RAB27B: variants seen among roughly 807,000 people sequenced by gnomAD.
RAB27B encodes the protein RAB27B, member RAS oncogene family.
RAB27B carries 15 observed loss-of-function variants against 24.6 expected under a neutral mutation model. The observed-to-expected ratio is 0.61, with a 90% CI of 0.41 to 0.94. RAB27B has a LOEUF of 0.94. Ranked by LOEUF, RAB27B falls within the 40% of genes least tolerant of loss-of-function variation. The pLI, the probability that RAB27B is intolerant of heterozygous loss-of-function variation, is 0.00. For synonymous variants in RAB27B, 105 were observed against 92.5 expected (o/e 1.14, Z -0.78); for missense variants, 261 against 266.8 (o/e 0.98, Z 0.15).
chr18:54,724,745 T>C (rs138676710), intron 2 of RAB27B, among the ~76,000 whole-genome samples: 1 of 151,582 alleles, frequency 6.6e-6, no homozygotes, highest in East Asian at 1.9e-4. Context: ...TATTACTCAG[T>C]GATTCTGTTT....
chr18:54,779,164 A>G (rs1908811460), intron 2 of RAB27B, among the ~76,000 whole-genome samples: 2 of 152,148 alleles, frequency 1.3e-5, no homozygotes, highest in Non-Finnish European at 2.9e-5. Flanking sequence ...CACTTCAAGA[A>G]TTAGTTGGCT....
At chr18:54,732,778 C>T (rs1909766680) in intron 2 of RAB27B, among the ~76,000 whole-genome samples, 1 of 151,988 alleles carries the variant, frequency 6.6e-6, no homozygotes, top group Non-Finnish European at 1.5e-5. Context: ...TTTTCTGTTC[C>T]ACCAGACAAA....
chr18:54,759,097 A>G (rs1011274338), intron 2 of RAB27B, among the ~76,000 whole-genome samples: 1 of 152,196 alleles, frequency 6.6e-6, no homozygotes, highest in South Asian at 2.1e-4. Flanking sequence ...GTCAATAAGC[A>G]CATGTTGAAT....
intron 2 of RAB27B, among the ~76,000 whole-genome samples, chr18:54,758,566 CT>C: frequency 6.7e-6 from 1 of 149,746 alleles, no homozygotes; most frequent in Non-Finnish European, 1.5e-5. Flanking sequence ...TCAGAGATGG[CT>C]TTTAAAGGTT....
intron 1 of RAB27B, among the ~76,000 whole-genome samples, chr18:54,866,427 C>T (rs1912230537): frequency 6.6e-6 from 1 of 152,258 alleles, no homozygotes; most frequent in Admixed American, 6.5e-5. Context: ...TCCCTAGTAG[C>T]TGGGATTACA....
At position 54,814,366 on chromosome 18, in the gene RAB27B, T is replaced by G. The variant is rs202150341; in HGVS notation, c.-19-63201T>G. On this transcript the variant is annotated intron_variant, in intron 2 of 4. Coordinates refer to the RAB27B transcript ENST00000586570. ...CATAAATTAGTATTTGTTTGAACAT[T>G]AATGTGGAAATATTTTTGATTTAGC... is the stretch of plus-strand genomic sequence containing the variant. Among the ~76,000 whole-genome samples, 11 of 152,344 alleles carry G rather than the reference T, an allele frequency of 7.2e-5. No homozygotes were observed. The East Asian group carries it at 2.1e-3, about 29-fold the overall frequency.
chr18:54,821,786 G>T (rs1379176136), intron 2 of RAB27B, among the ~76,000 whole-genome samples: 1 of 152,128 alleles, frequency 6.6e-6, no homozygotes, highest in South Asian at 2.1e-4. Flanking sequence ...GGCGTTTCAC[G>T]CTTGTCGCCC....
intron 3 of RAB27B, 74 bp from the exon 4 acceptor site, chr18:54,884,259 G>A (rs1913041517): frequency 2.2e-6 from 2 of 906,228 alleles, no homozygotes; most frequent in South Asian, 1.5e-5. Flanking sequence ...ACCTGAAAGG[G>A]AAACTGTTAT....
chr18:54,851,871 A>G (rs113287364), intron 1 of RAB27B, among the ~76,000 whole-genome samples: 2 of 152,172 alleles, frequency 1.3e-5, no homozygotes, highest in African/African-American at 4.8e-5. Context: ...GTACCATTCA[A>G]TGAGTTCAAT....
chr18:54,788,671 T>C lies in RAB27B; in HGVS notation c.-20+70530T>C, dbSNP rs529711171. Among the ~76,000 whole-genome samples the C allele has an allele frequency of 1.1e-3, 163 of 152,310 alleles. 3 individuals are homozygous for C. Among genetic ancestry groups the C allele is most frequent in the Non-Finnish European group, 2.5e-4 (17 of 68,022 alleles). On this transcript the variant is annotated intron_variant, in intron 2 of 4. Coordinates refer to the RAB27B transcript ENST00000586570. ...GGAAATGCTCTAATTTTACCTTTGG[T>C]TCTCTCCCTCAGCTTTAAAGTAATA...
At chr18:54,728,900 A>AAAAAG (rs1909632756) in intron 2 of RAB27B, among the ~76,000 whole-genome samples, 1 of 63,950 alleles carries the variant, frequency 1.6e-5, no homozygotes. Flanking sequence ...AAAAAAAAAA[A>AAAAAG]CCCAAAAAAA....
chr18:54,779,951 C>A (rs1358952544), intron 2 of RAB27B, among the ~76,000 whole-genome samples: 1 of 150,428 alleles, frequency 6.6e-6, no homozygotes, highest in Non-Finnish European at 1.5e-5. Context: ...TGTCCCCCCT[C>A]TCCTGACGGC....
intron 1 of RAB27B, among the ~76,000 whole-genome samples, chr18:54,840,145 T>G (rs1911051839): frequency 1.3e-5 from 2 of 152,214 alleles, no homozygotes; most frequent in African/African-American, 4.8e-5. Context: ...TAAGATTGTC[T>G]TCTTGAGTAT....
intron 2 of RAB27B, among the ~76,000 whole-genome samples, chr18:54,819,072 A>G (rs1424495764): frequency 6.6e-6 from 1 of 151,128 alleles, no homozygotes; most frequent in Non-Finnish European, 1.5e-5. Context: ...GCAGCAATAC[A>G]TATTTCAGAA....
At chr18:54,810,912 A>C (rs1394316669) in intron 2 of RAB27B, among the ~76,000 whole-genome samples, 1 of 151,900 alleles carries the variant, frequency 6.6e-6, no homozygotes, top group Non-Finnish European at 1.5e-5. Context: ...TCCCCCTGCA[A>C]TTGTAGACTC....
intron 2 of RAB27B, among the ~76,000 whole-genome samples, chr18:54,749,985 T>G (rs1165053986): frequency 6.6e-6 from 1 of 152,198 alleles, no homozygotes; most frequent in East Asian, 1.9e-4. Flanking sequence ...CTACTGTTAT[T>G]GAATGGCTCA....
intron 2 of RAB27B, among the ~76,000 whole-genome samples, chr18:54,725,166 T>C (rs1909491818): frequency 6.6e-6 from 1 of 151,476 alleles, no homozygotes; most frequent in Non-Finnish European, 1.5e-5. Context: ...TTATGACTTA[T>C]CTCTGTGATC....
At chr18:54,862,222 G>C (rs1912038038) in intron 1 of RAB27B, among the ~76,000 whole-genome samples, 1 of 152,140 alleles carries the variant, frequency 6.6e-6, no homozygotes, top group Non-Finnish European at 1.5e-5. Context: ...CATCTGTTTT[G>C]AGTGAGTAAA....
At chr18:54,820,110 T>A (rs2145165005) in intron 2 of RAB27B, among the ~76,000 whole-genome samples, 1 of 152,272 alleles carries the variant, frequency 6.6e-6, no homozygotes, top group South Asian at 2.1e-4. Flanking sequence ...AGCAGCACGA[T>A]TTATAATCCT....
Sources: gnomAD v4.1 joint callset for allele counts (sites outside exome capture counted in the v4.1 genomes callset) on GRCh38, gnomAD v4.1.1 for gene constraint, MANE v1.5 for transcripts, NCBI Gene and HGNC (gene_info 2026-07-23, HGNC 2026-07-21) for gene names.